The following CADPS variants were observed in gnomAD, a reference collection of about 807,000 sequenced individuals.
CADPS encodes the protein calcium-dependent secretion activator 1.
CADPS carries 57 observed loss-of-function variants against 167.3 expected under a neutral mutation model. The observed-to-expected ratio is 0.34, with a 90% CI of 0.28 to 0.42. CADPS has a LOEUF of 0.42. CADPS is among the 20% of genes least tolerant of loss of function. The probability of loss-of-function intolerance (pLI) is 1.00; values close to 1 mark genes in which losing one functional copy is unlikely to be tolerated. For synonymous variants in CADPS, 676 were observed against 635.3 expected (o/e 1.06, Z -0.96); for missense variants, 1,414 against 1,738.1 (o/e 0.81, Z 3.32).
intron 6 of CADPS, among the ~76,000 whole-genome samples, chr3:62,642,800 C>T (rs1476491532): frequency 6.6e-6 from 1 of 152,132 alleles, no homozygotes; most frequent in Admixed American, 6.5e-5. Context: ...GTCCCAGCTA[C>T]TCAGGAGACT....
chr3:62,468,737 C>A (rs948866871), intron 24 of CADPS, among the ~76,000 whole-genome samples: 1 of 152,192 alleles, frequency 6.6e-6, no homozygotes, highest in African/African-American at 2.4e-5. Flanking sequence ...CAAATATGAT[C>A]ATCTCCATTC....
At chr3:62,869,398 A>G (rs1220890746) in intron 1 of CADPS, among the ~76,000 whole-genome samples, 2 of 152,154 alleles carry the variant, frequency 1.3e-5, no homozygotes, top group Non-Finnish European at 2.9e-5. Context: ...AACCAACAGA[A>G]TCTGACTGAC....
chr3:62,632,838 C>T (rs181403779), intron 6 of CADPS, among the ~76,000 whole-genome samples: 3 of 152,148 alleles, frequency 2.0e-5, no homozygotes, highest in East Asian at 1.9e-4. Context: ...GTAAAAGACA[C>T]GTCTCTGCTA....
intron 3 of CADPS, among the ~76,000 whole-genome samples, chr3:62,670,199 G>A (rs1034070478): frequency 5.3e-5 from 8 of 152,092 alleles, no homozygotes; most frequent in Non-Finnish European, 7.4e-5. Context: ...GACAGCAGGG[G>A]TTCAACACAT....
At chr3:62,757,283 T>C (rs2084179065) in intron 2 of CADPS, among the ~76,000 whole-genome samples, 1 of 152,150 alleles carries the variant, frequency 6.6e-6, no homozygotes, top group African/African-American at 2.4e-5. Context: ...CCCAGATTCT[T>C]TTTTCCTAAA....
At chr3:62,503,171 C>T (rs768879773) in intron 17 of CADPS, among the ~76,000 whole-genome samples, 2 of 151,966 alleles carry the variant, frequency 1.3e-5, no homozygotes, top group Non-Finnish European at 2.9e-5. Flanking sequence ...AGATACACTT[C>T]GTACAATGAA....
rs78083320 is a variant in CADPS, at chr3:62,447,440, C to T, written c.3637-1643G>A. On this transcript the variant is annotated intron_variant, in intron 26 of 29. Transcript: ENST00000383710. ...CTTGCAGCATTGATTGCAATTCAGC[C>T]GAAATTTTTTTTTGTGCAATGTCTA... Among the ~76,000 whole-genome samples, 407 of 152,108 alleles carry T rather than the reference C, an allele frequency of 2.7e-3. 15 individuals are homozygous for T. In the East Asian group the frequency reaches 0.065, roughly 24 times the overall value.
At chr3:62,521,089 T>C (rs188579431) in intron 13 of CADPS, among the ~76,000 whole-genome samples, 1 of 152,286 alleles carries the variant, frequency 6.6e-6, no homozygotes, top group African/African-American at 2.4e-5. Context: ...CAACCTGGAT[T>C]GGTTGGTCCC....
intron 1 of CADPS, among the ~76,000 whole-genome samples, chr3:62,839,759 C>T (rs1479254094): frequency 1.3e-5 from 2 of 152,146 alleles, no homozygotes; most frequent in Non-Finnish European, 2.9e-5. Context: ...AGGGCCAAAG[C>T]ATCAACTGGA....
chr3:62,453,930 CATTGT>C (rs1269630796), intron 26 of CADPS, among the ~76,000 whole-genome samples: 1 of 152,104 alleles, frequency 6.6e-6, no homozygotes, highest in African/African-American at 2.4e-5. Flanking sequence ...ATCATGAGGC[CATTGT>C]CCGTTGCTTC....
At position 62,478,347 on chromosome 3, in the gene CADPS, C is replaced by A; in HGVS notation, c.3243G>T (p.Leu1081=). ...LDALQTFIRD[L]HWPEEEFGKH... ...TTCCAAACTCTTCTTCAGGCCAGTG[C>A]AGGTCCCGAATGAAGGTCTGAAGGG... The change falls in exon 23 of 30, where the codon CTG becomes CTT. Residue 1081 remains leucine, a synonymous_variant. Coordinates refer to ENST00000383710, the MANE Select transcript of CADPS (RefSeq NM_003716.4). This position sits in a 1 kb window ranked among gnomAD's most constrained non-coding sequence, Gnocchi z 5.7. The A allele has an allele frequency of 1.2e-6, 2 of 1,613,872 alleles. No homozygotes were observed. Among genetic ancestry groups the A allele is most frequent in the Non-Finnish European group, 1.7e-6 (2 of 1,179,816 alleles).
intron 28 of CADPS, among the ~76,000 whole-genome samples, chr3:62,417,916 G>A (rs2050475225): frequency 6.6e-6 from 1 of 152,002 alleles, no homozygotes; most frequent in African/African-American, 2.4e-5. Flanking sequence ...TATAGTCTCA[G>A]CTACTTGGGA....
chr3:62,560,846 T>C (rs983771932), intron 9 of CADPS, among the ~76,000 whole-genome samples: 1 of 152,100 alleles, frequency 6.6e-6, no homozygotes, highest in African/African-American at 2.4e-5. Context: ...TTTGGGAGGC[T>C]GAGATGGGTA....
At position 62,875,083 on chromosome 3, in the gene CADPS, T is replaced by TG. The variant is rs2083430447; in HGVS notation, c.-55dup. ...AGCCCCCGGCTTGGAGTGCAAAAGG[T>TG]GGGGGGCGCTGGAGGCAGCCGGGGA... On this transcript the variant is annotated 5_prime_UTR_variant, in exon 1 of 30. Coordinates refer to ENST00000383710, the MANE Select transcript of CADPS (RefSeq NM_003716.4). 2.0e-6 allele frequency: 3 copies of TG among 1,506,654 alleles called. No homozygotes were observed. The highest frequency in any genetic ancestry group is 2.7e-6 in the Non-Finnish European group (3 of 1,121,280). The allele number at this position is 1,506,654 out of a possible 1,614,324, so 93.3% of individuals were successfully genotyped here. A position where few individuals can be genotyped will look rare whatever the true frequency, so the allele number is the denominator to read the frequency against.
chr3:62,426,396 G>A (rs1281117671), intron 28 of CADPS, among the ~76,000 whole-genome samples: 14 of 152,072 alleles, frequency 9.2e-5, no homozygotes, highest in Admixed American at 7.9e-4. Flanking sequence ...TGATCCACCC[G>A]CCTTGGCCTC....
chr3:62,769,721 A>G (rs2088022852), intron 1 of CADPS, among the ~76,000 whole-genome samples: 1 of 152,038 alleles, frequency 6.6e-6, no homozygotes, highest in African/African-American at 2.4e-5. Context: ...CGAAGTAGTT[A>G]TTTATTTAAA....
intron 1 of CADPS, among the ~76,000 whole-genome samples, chr3:62,793,019 C>T (rs1376746348): frequency 1.3e-5 from 2 of 152,138 alleles, no homozygotes; most frequent in Admixed American, 6.6e-5. Context: ...CTTTTCTGTA[C>T]CTTAATATCT....
chr3:62,434,972 AG>A (rs2054688601), intron 28 of CADPS, among the ~76,000 whole-genome samples: 1 of 152,226 alleles, frequency 6.6e-6, no homozygotes, highest in African/African-American at 2.4e-5. Context: ...GACAGATGCC[AG>A]CAGGAACTAA....
At chr3:62,822,895 C>T (rs1026937067) in intron 1 of CADPS, among the ~76,000 whole-genome samples, 1 of 151,894 alleles carries the variant, frequency 6.6e-6, no homozygotes, top group Admixed American at 6.6e-5. Flanking sequence ...AGAGACACGT[C>T]TTGGCTGATC....
Sources: allele counts gnomAD v4.1 joint callset (sites outside exome capture counted in the v4.1 genomes callset), GRCh38; gene constraint gnomAD v4.1.1; non-coding constraint Gnocchi (gnomAD v3.1); transcripts MANE v1.5; gene names NCBI Gene and HGNC (gene_info 2026-07-23, HGNC 2026-07-21).